Variants in VPS37A observed in about 807,000 individuals in gnomAD.
VPS37A encodes VPS37A subunit of ESCRT-I, also known as vacuolar protein sorting-associated protein 37A.
In VPS37A, 30 loss-of-function variants were observed where a neutral mutation model predicts 49.8. That is an observed-to-expected ratio of 0.60 (90% CI 0.45 to 0.82). The LOEUF is 0.82. Among genes scored for constraint, VPS37A ranks in the 40% least tolerant of loss-of-function variants. VPS37A has a pLI of 0.00. For missense variants in VPS37A, 593 were observed against 464.4 expected (o/e 1.28, Z -2.55); for synonymous variants, 195 against 160.6 (o/e 1.21, Z -1.62).
At chr8:17,287,319 TCA>T (rs1815696479) in intron 11 of VPS37A, among the ~76,000 whole-genome samples, 1 of 152,182 alleles carries the variant, frequency 6.6e-6, no homozygotes, top group Non-Finnish European at 1.5e-5. Context: ...ACAGCTCTTC[TCA>T]CACCTTTTTT....
In VPS37A at chr8:17,284,518, C is replaced by T; in HGVS notation, c.1015C>T (p.His339Tyr). The T allele has an allele frequency of 6.3e-7, 1 of 1,598,042 alleles. No homozygotes were observed. Among genetic ancestry groups the T allele is most frequent in the Non-Finnish European group, 8.5e-7 (1 of 1,175,014 alleles). Residue 339 changes from histidine to tyrosine, a missense_variant, in exon 10 of 12, where the codon CAT (histidine) becomes TAT (tyrosine). By Grantham distance (83) the His-to-Tyr change is moderately conservative. Coordinates refer to ENST00000324849, the MANE Select transcript of VPS37A (RefSeq NM_152415.3). ...TCAGGCAAGATTGAAAGTAGCTGCA[C>T]ATGAAGCTGAGGAAGAATCTGATAA... Reference protein sequence around the residue: ...ALQARLKVAAHEAEEESDNIA... With the variant: ...ALQARLKVAAYEAEEESDNIA...
the VPS37A span, among the ~76,000 whole-genome samples, chr8:17,316,142 G>A: frequency 6.6e-6 from 1 of 152,066 alleles, no homozygotes; most frequent in African/African-American, 2.4e-5. Context: ...TGTGGGCTTG[G>A]GCAGATTACT....
the VPS37A span, among the ~76,000 whole-genome samples, chr8:17,318,527 T>C: frequency 6.6e-6 from 1 of 152,006 alleles, no homozygotes; most frequent in African/African-American, 2.4e-5. Flanking sequence ...ACATAACGGA[T>C]AGTGTTCCCG....
intron 9 of VPS37A, among the ~76,000 whole-genome samples, chr8:17,282,988 C>T (rs1000432175): frequency 6.6e-6 from 1 of 152,050 alleles, no homozygotes; most frequent in African/African-American, 2.4e-5. Flanking sequence ...TAACTGGAAA[C>T]TTTGGAAAAT....
downstream of VPS37A, chr8:17,305,971 C>T: frequency 1.9e-6 from 3 of 1,587,284 alleles, no homozygotes; most frequent in Non-Finnish European, 2.6e-6. Context: ...TAAAACAAAG[C>T]ATTAGAGACT....
At chr8:17,324,378 C>G in the VPS37A span, among the ~76,000 whole-genome samples, 1 of 152,018 alleles carries the variant, frequency 6.6e-6, no homozygotes, top group Non-Finnish European at 1.5e-5. Context: ...CACTCTCCAT[C>G]TTCAGATTGG....
intron 11 of VPS37A, among the ~76,000 whole-genome samples, chr8:17,288,958 C>G (rs1324265017): frequency 6.6e-6 from 1 of 152,186 alleles, no homozygotes; most frequent in Non-Finnish European, 1.5e-5. Flanking sequence ...ATTTGCATGT[C>G]TCTAGTGACC....
At chr8:17,247,410 T>TGGG in intron 1 of VPS37A, 41 bp downstream of exon 1, 1 of 58,628 alleles carries the variant, frequency 1.7e-5, no homozygotes, top group Non-Finnish European at 3.3e-5. Context: ...AAAAGTAGGG[T>TGGG]GGGAGGGCGG....
the VPS37A span, among the ~76,000 whole-genome samples, chr8:17,331,789 G>T: frequency 6.6e-6 from 1 of 152,184 alleles, no homozygotes; most frequent in Non-Finnish European, 1.5e-5. Context: ...CAGATGCCCA[G>T]TTAAACCTTG....
the VPS37A span, among the ~76,000 whole-genome samples, chr8:17,325,165 T>G: frequency 6.6e-6 from 1 of 151,950 alleles, no homozygotes; most frequent in Middle Eastern, 3.4e-3. Context: ...AGAGAACTAT[T>G]TCAGAGAAAC....
At chr8:17,250,271 A>G (rs932798238) in intron 1 of VPS37A, among the ~76,000 whole-genome samples, 2 of 152,114 alleles carry the variant, frequency 1.3e-5, no homozygotes, top group Admixed American at 6.5e-5. Flanking sequence ...CCAAAGTGCA[A>G]TATTTTGGGG....
the VPS37A span, among the ~76,000 whole-genome samples, chr8:17,327,771 T>C: frequency 6.6e-6 from 1 of 152,224 alleles, no homozygotes; most frequent in Non-Finnish European, 1.5e-5. Flanking sequence ...TTGTAAAAAA[T>C]TGGGTGGCAA....
chr8:17,268,807 T>C, intron 3 of VPS37A, 49 bp from the exon 4 acceptor site: 1 of 1,254,638 alleles, frequency 8.0e-7, no homozygotes, highest in Non-Finnish European at 1.1e-6. Context: ...TGAGACTTTA[T>C]AATCTTTTTC....
intron 1 of VPS37A, among the ~76,000 whole-genome samples, chr8:17,253,225 C>G (rs1359612686): frequency 2.0e-5 from 3 of 152,196 alleles, no homozygotes; most frequent in Non-Finnish European, 4.4e-5. Context: ...CTGCTGTTTG[C>G]TCACCTAAGC....
intron 6 of VPS37A, among the ~76,000 whole-genome samples, chr8:17,278,678 G>A (rs1002371818): frequency 2.6e-5 from 4 of 152,004 alleles, no homozygotes; most frequent in Admixed American, 2.0e-4. Context: ...TAAGATTATT[G>A]AATGCAGGTT....
At chr8:17,301,647 A>C (rs1480858520), downstream of VPS37A, 1 of 154,254 alleles carries the variant, frequency 6.5e-6, no homozygotes, top group Non-Finnish European at 1.4e-5. Flanking sequence ...CATTGGAAAC[A>C]AAGTTATCCA....
intron 9 of VPS37A, among the ~76,000 whole-genome samples, chr8:17,281,722 A>C (rs888408878): frequency 1.3e-5 from 2 of 152,080 alleles, no homozygotes; most frequent in Non-Finnish European, 1.5e-5. Context: ...CAAAAATTCT[A>C]GAGAACTGAG....
chr8:17,261,607 T>C (rs1439541107), intron 1 of VPS37A, among the ~76,000 whole-genome samples: 5 of 152,184 alleles, frequency 3.3e-5, no homozygotes, highest in Non-Finnish European at 7.3e-5. Flanking sequence ...TTGGTTTTAT[T>C]GAATGTATTT....
chr8:17,313,022 C>A, the VPS37A span, among the ~76,000 whole-genome samples: 3 of 152,212 alleles, frequency 2.0e-5, no homozygotes, highest in African/African-American at 7.2e-5. Context: ...ACAGAAAATT[C>A]TTTCCTCCAT....
Sources: gnomAD v4.1 joint callset for allele counts (sites outside exome capture counted in the v4.1 genomes callset) on GRCh38, gnomAD v4.1.1 for gene constraint, MANE v1.5 for transcripts, NCBI Gene and HGNC (gene_info 2026-07-23, HGNC 2026-07-21) for gene names.